Variants in PDE4D observed in about 807,000 individuals in gnomAD.
PDE4D encodes the protein 3',5'-cyclic-AMP phosphodiesterase 4D.
A neutral mutation model predicts 87.4 loss-of-function variants in PDE4D; 24 were observed. That is an observed-to-expected ratio of 0.27 (90% CI 0.20 to 0.39). The LOEUF (loss-of-function observed/expected upper bound fraction) is 0.39. Ranked by LOEUF, PDE4D falls within the 10% of genes least tolerant of loss-of-function variation. The probability of loss-of-function intolerance (pLI) is 1.00; values close to 1 mark genes in which losing one functional copy is unlikely to be tolerated. For synonymous variants in PDE4D, 384 were observed against 383.2 expected (o/e 1.00, Z -0.02); for missense variants, 714 against 1,041.0 (o/e 0.69, Z 4.32).
At chr5:59,105,777 C>T (rs923023973) in intron 5 of PDE4D, among the ~76,000 whole-genome samples, 1 of 152,140 alleles carries the variant, frequency 6.6e-6, no homozygotes, top group African/African-American at 2.4e-5. Flanking sequence ...ATTCTGATTT[C>T]TAACAAGCAC....
At chr5:59,244,106 G>T (rs1447252540) in intron 1 of PDE4D, among the ~76,000 whole-genome samples, 3 of 152,026 alleles carry the variant, frequency 2.0e-5, no homozygotes, top group Non-Finnish European at 2.9e-5. Context: ...TCTTAAAAAT[G>T]TCAAGCGAAG....
intron 1 of PDE4D, among the ~76,000 whole-genome samples, chr5:60,254,522 A>T (rs1748834904): frequency 6.6e-6 from 1 of 151,902 alleles, no homozygotes; most frequent in Admixed American, 6.6e-5. Context: ...CTTCTGCTAA[A>T]GCAAAGCCAA....
chr5:59,014,627 C>G (rs1753589562), intron 6 of PDE4D, among the ~76,000 whole-genome samples: 1 of 152,110 alleles, frequency 6.6e-6, no homozygotes, highest in Non-Finnish European at 1.5e-5. Flanking sequence ...CAAACCACTG[C>G]TCAACAAAAT....
intron 2 of PDE4D, among the ~76,000 whole-genome samples, chr5:60,022,979 C>T (rs2152854000): frequency 6.6e-6 from 1 of 152,270 alleles, no homozygotes; most frequent in South Asian, 2.1e-4. Flanking sequence ...CTCAGCTCGA[C>T]CTGTCACCAG....
At chr5:59,039,537 C>T (rs1580459554) in intron 5 of PDE4D, 4 of 985,658 alleles carry the variant, frequency 4.1e-6, no homozygotes, top group Non-Finnish European at 4.8e-6. Context: ...TTCTCAACTC[C>T]TCGGGCGGCA....
rs184782018 is a variant in PDE4D, at chr5:60,238,460, T to C, written c.-89-52773A>G. 2.9e-3 allele frequency among the ~76,000 whole-genome samples: 435 copies of C among 152,176 alleles called. 3 individuals carry two copies. Among genetic ancestry groups the C allele is most frequent in the African/African-American group, 0.01 (421 of 41,568 alleles). On this transcript the variant is annotated intron_variant, in intron 1 of 16. Transcript: ENST00000502484. Reference sequence around the variant, plus strand: ...GAATTCCTCCTTCAAGATATGCAAATGTTTAACTTTACTAAGTAAAGTCAA... The same window carrying C: ...GAATTCCTCCTTCAAGATATGCAAACGTTTAACTTTACTAAGTAAAGTCAA...
chr5:59,510,633 A>G (rs1160937891), intron 1 of PDE4D, among the ~76,000 whole-genome samples: 2 of 151,828 alleles, frequency 1.3e-5, no homozygotes, highest in African/African-American at 2.4e-5. Context: ...TAGATAAAAA[A>G]TAGTAAAAAT....
chr5:59,363,445 T>C (rs1176037281), intron 1 of PDE4D, among the ~76,000 whole-genome samples: 1 of 152,180 alleles, frequency 6.6e-6, no homozygotes, highest in Non-Finnish European at 1.5e-5. Flanking sequence ...AATTGCAAAA[T>C]GTATATCTTA....
chr5:60,436,134 A>G (rs1367033355), intron 1 of PDE4D, among the ~76,000 whole-genome samples: 1 of 152,072 alleles, frequency 6.6e-6, no homozygotes, highest in Non-Finnish European at 1.5e-5. Flanking sequence ...AGTGCTGAAT[A>G]TTGATAATTT....
intron 1 of PDE4D, among the ~76,000 whole-genome samples, chr5:60,248,351 C>T (rs1384442797): frequency 1.3e-5 from 2 of 151,968 alleles, no homozygotes; most frequent in East Asian, 3.9e-4. Flanking sequence ...AAGAGTGGTG[C>T]AAGATAAGGA....
intron 1 of PDE4D, among the ~76,000 whole-genome samples, chr5:59,836,932 C>A (rs1156793771): frequency 6.6e-6 from 1 of 151,982 alleles, no homozygotes; most frequent in African/African-American, 2.4e-5. Flanking sequence ...GGCTCTTTGG[C>A]TCTTTCCTCT....
intron 1 of PDE4D, among the ~76,000 whole-genome samples, chr5:60,238,637 A>T (rs551065593): frequency 1.3e-3 from 199 of 152,068 alleles, no homozygotes; most frequent in African/African-American, 4.6e-3. Flanking sequence ...TTGTGTGTTT[A>T]TCAGCCATTT....
chr5:60,289,954 TAATGTA>T (rs1752743947), intron 1 of PDE4D, among the ~76,000 whole-genome samples: 1 of 152,126 alleles, frequency 6.6e-6, no homozygotes, highest in Admixed American at 6.5e-5. Context: ...TTGGGTAGGT[TAATGTA>T]AAATTCCCTG....
chr5:59,333,697 G>C (rs182982930), intron 1 of PDE4D, among the ~76,000 whole-genome samples: 1 of 152,278 alleles, frequency 6.6e-6, no homozygotes, highest in African/African-American at 2.4e-5. Flanking sequence ...TTTTTATGGA[G>C]AGATTTTGAT....
intron 1 of PDE4D, among the ~76,000 whole-genome samples, chr5:60,452,625 CG>C (rs1022330810): frequency 6.6e-6 from 1 of 151,928 alleles, no homozygotes; most frequent in African/African-American, 2.4e-5. Context: ...TGAAGCAAAA[CG>C]TAATAACTGC....
intron 1 of PDE4D, among the ~76,000 whole-genome samples, chr5:60,354,136 T>C (rs1759422101): frequency 6.6e-6 from 1 of 152,180 alleles, no homozygotes; most frequent in African/African-American, 2.4e-5. Flanking sequence ...AACTTAGTTA[T>C]AATTACCTTA....
intron 2 of PDE4D, among the ~76,000 whole-genome samples, chr5:60,103,946 G>A (rs1421762289): frequency 3.3e-5 from 5 of 152,302 alleles, no homozygotes; most frequent in African/African-American, 9.6e-5. Context: ...GAAGACAGGT[G>A]ACTTCTGCAT....
At chr5:59,082,357 C>A (rs1011717101) in intron 5 of PDE4D, among the ~76,000 whole-genome samples, 10 of 151,952 alleles carry the variant, frequency 6.6e-5, no homozygotes, top group African/African-American at 1.9e-4. Context: ...AGCAACCAAA[C>A]AAGAAAACCA....
At chr5:59,209,686 G>C (rs1224254561) in intron 2 of PDE4D, among the ~76,000 whole-genome samples, 2 of 152,146 alleles carry the variant, frequency 1.3e-5, no homozygotes, top group Non-Finnish European at 2.9e-5. Flanking sequence ...CACCCACTGA[G>C]CACTATGTCA....
Sources: gnomAD v4.1 joint callset for allele counts (sites outside exome capture counted in the v4.1 genomes callset) on GRCh38, gnomAD v4.1.1 for gene constraint, MANE v1.5 for transcripts, NCBI Gene and HGNC (gene_info 2026-07-23, HGNC 2026-07-21) for gene names.